VAV3: variants seen among roughly 807,000 people sequenced by gnomAD.
VAV3 encodes the protein guanine nucleotide exchange factor VAV3.
Under a neutral mutation model 131.2 loss-of-function variants are expected in VAV3, and 94 were observed. The observed-to-expected ratio is 0.72, with a 90% CI of 0.61 to 0.85. The LOEUF (loss-of-function observed/expected upper bound fraction) is 0.85. Ranked by LOEUF, VAV3 falls within the 40% of genes least tolerant of loss-of-function variation. The pLI, the probability that VAV3 is intolerant of heterozygous loss-of-function variation, is 0.00. For synonymous variants in VAV3, 349 were observed against 342.0 expected, an observed-to-expected ratio of 1.02 and a Z score of -0.22; for missense variants, 939 against 1,002.7, an observed-to-expected ratio of 0.94 and a Z score of 0.86.
In VAV3 at chr1:107,766,495, T is replaced by A. The variant is rs1341589311; in HGVS notation, c.773A>T (p.Asn258Ile). 1 of 1,613,484 alleles carries A rather than the reference T, an allele frequency of 6.2e-7. No individual in the cohort carries two copies. Among genetic ancestry groups the A allele is most frequent in the Non-Finnish European group, 8.5e-7 (1 of 1,179,782 alleles). ...TTGGTACAAGTTCTGGTCATTTTTA[T>A]TTACAATGGAATCATGAATCTCTTG... Reference protein sequence around the residue: ...LMQEIHDSIVNKNDQNLYQVF... With the variant: ...LMQEIHDSIVIKNDQNLYQVF... The change falls in exon 8 of 27, where the codon AAT becomes ATT. Residue 258 changes from asparagine to isoleucine, a missense_variant. Coordinates refer to ENST00000370056, the MANE Select transcript of VAV3 (RefSeq NM_006113.5).
chr1:107,745,172 T>C (rs1413037357), intron 15 of VAV3, among the ~76,000 whole-genome samples: 1 of 152,140 alleles, frequency 6.6e-6, no homozygotes, highest in Non-Finnish European at 1.5e-5. Context: ...CTAAATGGAA[T>C]TGTGAGAGAC....
At chr1:107,655,788 A>G (rs1656506080) in intron 19 of VAV3, among the ~76,000 whole-genome samples, 1 of 152,198 alleles carries the variant, frequency 6.6e-6, no homozygotes, top group Admixed American at 6.5e-5. Context: ...AAAATGAGCT[A>G]AAGATCTGAG....
At chr1:107,731,945 T>C (rs1380532237) in intron 15 of VAV3, among the ~76,000 whole-genome samples, 1 of 152,216 alleles carries the variant, frequency 6.6e-6, no homozygotes, top group Non-Finnish European at 1.5e-5. Context: ...AAATGGCACC[T>C]TTTTCCTAAT....
intron 15 of VAV3, among the ~76,000 whole-genome samples, chr1:107,727,791 C>T (rs1265542144): frequency 6.6e-6 from 1 of 152,132 alleles, no homozygotes; most frequent in African/African-American, 2.4e-5. Context: ...ATCCCTTACA[C>T]TGAAATTTTA....
intron 20 of VAV3, among the ~76,000 whole-genome samples, chr1:107,636,161 T>G (rs1002921893): frequency 6.6e-6 from 1 of 152,166 alleles, no homozygotes; most frequent in African/African-American, 2.4e-5. Context: ...AACAAGAAAT[T>G]ATGGAATTGC....
chr1:107,694,632 T>C (rs1333740779), intron 17 of VAV3, among the ~76,000 whole-genome samples: 1 of 152,130 alleles, frequency 6.6e-6, no homozygotes, highest in Non-Finnish European at 1.5e-5. Flanking sequence ...CTAGTCAAGC[T>C]CTAGTCTCTA....
intron 4 of VAV3, among the ~76,000 whole-genome samples, chr1:107,775,954 T>C (rs1665331384): frequency 6.6e-6 from 1 of 152,194 alleles, no homozygotes; most frequent in East Asian, 1.9e-4. Context: ...TGCTCTAGAA[T>C]AAGAGGTGTC....
intron 15 of VAV3, among the ~76,000 whole-genome samples, chr1:107,713,099 A>G (rs1454513459): frequency 6.6e-6 from 1 of 152,208 alleles, no homozygotes; most frequent in Non-Finnish European, 1.5e-5. Flanking sequence ...TGAAAAATAC[A>G]TATTACATGC....
intron 1 of VAV3, among the ~76,000 whole-genome samples, chr1:107,883,444 T>G (rs1252739589): frequency 6.6e-6 from 1 of 152,164 alleles, no homozygotes; most frequent in African/African-American, 2.4e-5. Context: ...CCTGATGCAG[T>G]TTATCTCTAG....
intron 2 of VAV3, among the ~76,000 whole-genome samples, chr1:107,825,454 C>T (rs1044319516): frequency 2.0e-5 from 3 of 150,286 alleles, no homozygotes; most frequent in Non-Finnish European, 4.4e-5. Context: ...AGTACCCTCG[C>T]GGGAAAAAAA....
intron 1 of VAV3, among the ~76,000 whole-genome samples, chr1:107,898,103 T>TAAAAA (rs71684098): frequency 6.1e-5 from 9 of 148,660 alleles, no homozygotes; most frequent in Non-Finnish European, 1.2e-4. Context: ...ATTATTAAAT[T>TAAAAA]AAAAAAAAAA....
chr1:107,655,089 G>A (rs927868005), intron 19 of VAV3, among the ~76,000 whole-genome samples: 9 of 152,002 alleles, frequency 5.9e-5, no homozygotes, highest in African/African-American at 2.2e-4. Context: ...AAACACCAGT[G>A]ACACTTAGCA....
intron 2 of VAV3, among the ~76,000 whole-genome samples, chr1:107,810,256 G>A (rs1298225574): frequency 6.6e-6 from 1 of 152,076 alleles, no homozygotes; most frequent in African/African-American, 2.4e-5. Flanking sequence ...CTGCTCTTAT[G>A]GGAGAGTTCA....
intron 15 of VAV3, among the ~76,000 whole-genome samples, chr1:107,747,080 A>G (rs1416375510): frequency 6.6e-6 from 1 of 152,062 alleles, no homozygotes; most frequent in Admixed American, 6.6e-5. Flanking sequence ...GGGTATCACT[A>G]TGTTGGCCAG....
chr1:107,753,685 C>T (rs1663924319), intron 12 of VAV3, among the ~76,000 whole-genome samples: 1 of 151,174 alleles, frequency 6.6e-6, no homozygotes, highest in Admixed American at 6.6e-5. Flanking sequence ...TCAGCCTCCC[C>T]AGTAGCTGGG....
At chr1:107,949,397 A>G (rs1315183885) in intron 1 of VAV3, among the ~76,000 whole-genome samples, 1 of 151,998 alleles carries the variant, frequency 6.6e-6, no homozygotes, top group Non-Finnish European at 1.5e-5. Context: ...TGCAGACTTG[A>G]CCCTGCGGGC....
At chr1:107,676,760 G>C (rs1257351471) in intron 19 of VAV3, among the ~76,000 whole-genome samples, 2 of 152,096 alleles carry the variant, frequency 1.3e-5, no homozygotes, top group South Asian at 2.1e-4. Context: ...ACTGATGTCT[G>C]TTTTAGATAT....
rs750413596 is a variant in VAV3 at position 107,749,570 on chromosome 1, T to G, written c.1284A>C (p.Ala428=). ...CACCTTTTCTCTTACATACGATCACTGCCAAATCAAATAAGAAGATATGCC... is the reference window on the plus strand; with the variant it reads ...CACCTTTTCTCTTACATACGATCACGGCCAAATCAAATAAGAAGATATGCC... ...QERHIFLFDL[A]VIVCKRKGDN... The change falls in exon 14 of 27, where the codon GCA becomes GCC. Residue 428 remains alanine (A), a synonymous_variant. Transcript: ENST00000370056. The G allele has an allele frequency of 6.2e-7, 1 of 1,611,334 alleles. No homozygotes were observed. Among genetic ancestry groups the G allele is most frequent in the Admixed American group, 1.7e-5 (1 of 59,654 alleles).
At chr1:107,738,704 T>C (rs947729359) in intron 15 of VAV3, among the ~76,000 whole-genome samples, 16 of 152,224 alleles carry the variant, frequency 1.1e-4, no homozygotes, top group African/African-American at 3.4e-4. Context: ...AGCCTAAAAA[T>C]AGTACATGTC....
Sources: allele counts gnomAD v4.1 joint callset (sites outside exome capture counted in the v4.1 genomes callset), GRCh38; gene constraint gnomAD v4.1.1; transcripts MANE v1.5; gene names NCBI Gene and HGNC (gene_info 2026-07-23, HGNC 2026-07-21).